Variants in WWOX observed in about 807,000 individuals in gnomAD.
WWOX encodes WW domain-containing oxidoreductase.
A neutral mutation model predicts 46.2 loss-of-function variants in WWOX; 69 were observed. The observed-to-expected ratio is 1.49, with a 90% CI of 1.23 to 1.82. WWOX has a LOEUF of 1.82. WWOX is among the 40% of genes most tolerant of loss of function. The pLI is 0.00. For synonymous variants in WWOX, 359 were observed against 202.6 expected (o/e 1.77, Z -6.56); for missense variants, 919 against 542.6 (o/e 1.69, Z -6.89).
chr16:78,554,346 C>A (rs142711524), intron 8 of WWOX, among the ~76,000 whole-genome samples: 1 of 152,106 alleles, frequency 6.6e-6, no homozygotes, highest in African/African-American at 2.4e-5. Context: ...TATTTATATC[C>A]TACCGCTCAA....
chr16:79,069,562 T>G (rs904085082), intron 8 of WWOX, among the ~76,000 whole-genome samples: 1 of 151,900 alleles, frequency 6.6e-6, no homozygotes, highest in Non-Finnish European at 1.5e-5. Flanking sequence ...TGGTAGGTTT[T>G]TTTTTTTTTT....
At chr16:79,173,713 A>C (rs779355037) in intron 8 of WWOX, among the ~76,000 whole-genome samples, 24 of 152,204 alleles carry the variant, frequency 1.6e-4, no homozygotes, top group Non-Finnish European at 2.8e-4. Flanking sequence ...TGATTCCATA[A>C]ATCATAGTAT....
chr16:78,427,893 C>G (rs939019679), intron 7 of WWOX, among the ~76,000 whole-genome samples: 4 of 152,132 alleles, frequency 2.6e-5, no homozygotes, highest in Non-Finnish European at 5.9e-5. Context: ...CATGGCGAAA[C>G]CCCATCTCTA....
Position 78,910,929 on chromosome 16 carries a change from A to G in WWOX, c.1057-300679A>G, listed in dbSNP as rs900624608. Among the ~76,000 whole-genome samples the G allele has an allele frequency of 3.9e-5, 6 of 152,058 alleles. No individual in the cohort carries two copies. The East Asian group carries it at 7.7e-4, about 20-fold the overall frequency. On this transcript the variant is annotated intron_variant, in intron 8 of 8. Coordinates refer to ENST00000566780, the MANE Select transcript of WWOX (RefSeq NM_016373.4). ...AGTTATGCATATGTTGATCAGCTCA[A>G]TTTAGCCTTTCCATCATGTTTACAT... is the stretch of plus-strand genomic sequence containing the variant.
chr16:79,071,042 C>T (rs1175052072), intron 8 of WWOX, among the ~76,000 whole-genome samples: 4 of 152,294 alleles, frequency 2.6e-5, no homozygotes, highest in Admixed American at 2.6e-4. Context: ...TACGTGAATG[C>T]ATGGAGGCAG....
At chr16:78,217,608 T>C (rs541025356) in intron 5 of WWOX, among the ~76,000 whole-genome samples, 27 of 152,178 alleles carry the variant, frequency 1.8e-4, no homozygotes, top group African/African-American at 6.5e-4. Context: ...ACCGAGAAAC[T>C]TAACAGAGGG....
At chr16:78,594,055 G>C (rs540968800) in intron 8 of WWOX, among the ~76,000 whole-genome samples, 3 of 152,248 alleles carry the variant, frequency 2.0e-5, no homozygotes, top group East Asian at 3.9e-4. Flanking sequence ...GGAGATGTGA[G>C]ATGTGATCAC....
chr16:78,904,079 G>A (rs1038640331), intron 8 of WWOX, among the ~76,000 whole-genome samples: 1 of 152,072 alleles, frequency 6.6e-6, no homozygotes, highest in Non-Finnish European at 1.5e-5. Context: ...GTACAAAAGG[G>A]ATCAGGGTCC....
intron 8 of WWOX, among the ~76,000 whole-genome samples, chr16:78,670,988 C>A (rs74951358): frequency 0.033 from 4,980 of 151,878 alleles, 97 homozygotes; most frequent in Non-Finnish European, 0.048. Context: ...TGCCATCTAC[C>A]AGCCAAGGAA....
At position 79,183,046 on chromosome 16, in the gene WWOX, G is replaced by A. The variant is rs1276939212; in HGVS notation, c.1057-28562G>A. Reference sequence around the variant, plus strand: ...TATTTCAGGAGGGGTCACCCCTGCCGTCTTCCATGTTGGGGTGCTCTTCTC... The same window carrying A: ...TATTTCAGGAGGGGTCACCCCTGCCATCTTCCATGTTGGGGTGCTCTTCTC... On this transcript the variant is annotated intron_variant, in intron 8 of 8. Transcript: ENST00000566780. 6.6e-5 allele frequency among the ~76,000 whole-genome samples: 10 copies of A among 152,276 alleles called. No individual in the cohort carries two copies. In the East Asian group the frequency reaches 7.7e-4, roughly 12 times the overall value.
At chr16:78,533,243 G>A (rs1341171846) in intron 8 of WWOX, among the ~76,000 whole-genome samples, 1 of 152,052 alleles carries the variant, frequency 6.6e-6, no homozygotes, top group African/African-American at 2.4e-5. Flanking sequence ...GATTTGGAAG[G>A]AAAATTAGAA....
At chr16:78,905,430 G>C (rs767228240) in intron 8 of WWOX, among the ~76,000 whole-genome samples, 1 of 152,158 alleles carries the variant, frequency 6.6e-6, no homozygotes, top group Non-Finnish European at 1.5e-5. Flanking sequence ...AGCCAGGCTG[G>C]AGTGCAAGTG....
At chr16:79,128,397 A>AC (rs370786212) in intron 8 of WWOX, among the ~76,000 whole-genome samples, 10 of 152,058 alleles carry the variant, frequency 6.6e-5, no homozygotes, top group African/African-American at 2.4e-4. Flanking sequence ...AAAAAAAAAA[A>AC]CACTAAACCC....
Position 78,950,517 on chromosome 16 carries a change from AACACACACACACACATACACAC to A in WWOX, c.1057-261075_1057-261054del, listed in dbSNP as rs2046037344. The stretch of plus-strand genomic sequence containing the variant: ...CAAAGCAAACCCTGGCTATTAAAGG[AACACACACACACACATACACAC>A]ACACACACACACACACACACACACA... On this transcript the variant is annotated intron_variant, in intron 8 of 8. Transcript: ENST00000566780. 5.7e-5 allele frequency among the ~76,000 whole-genome samples: 6 copies of A among 105,152 alleles called. No individual in the cohort carries two copies. In the South Asian group the frequency reaches 1.9e-3, roughly 33 times the overall value. The allele number at this position is 105,152 out of a possible 152,430, so 69.0% of individuals were successfully genotyped here. A position where few individuals can be genotyped will look rare whatever the true frequency, so the allele number is the denominator to read the frequency against.
intron 8 of WWOX, among the ~76,000 whole-genome samples, chr16:78,567,311 C>T (rs373405126): frequency 7.3e-5 from 11 of 151,622 alleles, no homozygotes; most frequent in East Asian, 5.9e-4. Flanking sequence ...TTTGGGAGGC[C>T]GAGGTGGGTG....
rs1488443646 is a variant in WWOX, at chr16:78,709,438, T to TTG, written c.1056+276686_1056+276687insTG. 7.8e-3 allele frequency among the ~76,000 whole-genome samples: 1,184 copies of TTG among 152,306 alleles called. 14 individuals carry two copies. Among genetic ancestry groups the TTG allele is most frequent in the African/African-American group, 0.026 (1,078 of 41,568 alleles). On this transcript the variant is annotated intron_variant, in intron 8 of 8. Coordinates refer to ENST00000566780, the MANE Select transcript of WWOX (RefSeq NM_016373.4). ...CAGCCTGTTGCAAGTAATCGGGCTC[T>TTG]GTCAGATCAGCCTTGGTGAGATTGG...
At chr16:78,907,003 C>T (rs1182699421) in intron 8 of WWOX, among the ~76,000 whole-genome samples, 1 of 152,070 alleles carries the variant, frequency 6.6e-6, no homozygotes. Flanking sequence ...CAGATAAAGC[C>T]GATTTATCTA....
At chr16:79,129,773 A>T (rs7197121) in intron 8 of WWOX, among the ~76,000 whole-genome samples, 44,472 of 152,056 alleles carry the variant, frequency 0.29, 7,515 homozygotes, top group African/African-American at 0.46. Flanking sequence ...TATCTAGCTC[A>T]TTCAAAGACA....
intron 8 of WWOX, among the ~76,000 whole-genome samples, chr16:79,001,123 C>G (rs911995280): frequency 6.6e-6 from 1 of 152,150 alleles, no homozygotes; most frequent in Non-Finnish European, 1.5e-5. Flanking sequence ...ACACATATCC[C>G]ACATCCAGGT....
Sources: gnomAD v4.1 joint callset for allele counts (sites outside exome capture counted in the v4.1 genomes callset) on GRCh38, gnomAD v4.1.1 for gene constraint, MANE v1.5 for transcripts, NCBI Gene and HGNC (gene_info 2026-07-23, HGNC 2026-07-21) for gene names.